Variants in RYR2 observed in about 807,000 individuals in gnomAD.
RYR2 encodes the protein cardiac muscle ryanodine receptor-calcium release channel.
Under a neutral mutation model 601.1 loss-of-function variants are expected in RYR2, and 227 were observed. The ratio of observed to expected loss-of-function variants is 0.38; its 90% CI spans 0.34 to 0.42. RYR2 has a LOEUF of 0.42. Ranked by LOEUF, RYR2 falls within the 10% of genes least tolerant of loss-of-function variation. RYR2 has a pLI of 1.00. For missense variants in RYR2, 4,646 were observed against 6,156.5 expected, an observed-to-expected ratio of 0.75 and a Z score of 8.21; for synonymous variants, 2,223 against 2,175.1, an observed-to-expected ratio of 1.02 and a Z score of -0.61.
chr1:237,243,780 A>G (rs1350117924), intron 1 of RYR2, among the ~76,000 whole-genome samples: 1 of 152,220 alleles, frequency 6.6e-6, no homozygotes, highest in East Asian at 1.9e-4. Flanking sequence ...CACACCCAAC[A>G]TTATAACAAA....
chr1:237,127,410 G>T (rs1671574231), intron 1 of RYR2, among the ~76,000 whole-genome samples: 1 of 150,722 alleles, frequency 6.6e-6, no homozygotes, highest in South Asian at 2.1e-4. Flanking sequence ...GGCCGGGCGG[G>T]GGGCTGACCC....
intron 80 of RYR2, among the ~76,000 whole-genome samples, chr1:237,747,969 T>TC (rs1692220936): frequency 6.6e-6 from 1 of 152,098 alleles, no homozygotes. Context: ...GCCAGTGTTC[T>TC]CCAGTACTCA....
At chr1:237,366,343 G>A (rs1489334004) in intron 5 of RYR2, among the ~76,000 whole-genome samples, 1 of 152,180 alleles carries the variant, frequency 6.6e-6, no homozygotes, top group African/African-American at 2.4e-5. Context: ...ATCTTCAACT[G>A]AGGCCAGGAT....
At chr1:237,163,076 A>G (rs1157729403) in intron 1 of RYR2, among the ~76,000 whole-genome samples, 2 of 152,194 alleles carry the variant, frequency 1.3e-5, no homozygotes, top group East Asian at 1.9e-4. Context: ...AATAGCACAC[A>G]CTGGCCTTAG....
chr1:237,091,711 C>T (rs893595335), intron 1 of RYR2, among the ~76,000 whole-genome samples: 3 of 152,232 alleles, frequency 2.0e-5, no homozygotes, highest in African/African-American at 7.2e-5. Flanking sequence ...AGGCGTGAGC[C>T]ACTGCACCTG....
intron 66 of RYR2, 140 bp downstream of exon 66, chr1:237,702,199 T>C: frequency 5.1e-6 from 3 of 583,510 alleles, no homozygotes; most frequent in Non-Finnish European, 9.1e-6. Flanking sequence ...TTGGAAGTAA[T>C]TAGACAATCT....
In RYR2 at chr1:237,664,025, A is replaced by C. The variant is rs75510160; in HGVS notation, c.8437-2487A>C. 5.9e-5 allele frequency among the ~76,000 whole-genome samples: 9 copies of C among 152,320 alleles called. No individual in the cohort carries two copies. The East Asian group carries it at 1.7e-3, about 29-fold the overall frequency. ...AGGGATACTAAAGAAAACAGCAAAA[A>C]ACATTTCTGACAATTTCAGGCATAT... On this transcript the variant is annotated intron_variant, in intron 56 of 104. Transcript: ENST00000366574.
chr1:237,334,135 GGT>G (rs1697020251), intron 3 of RYR2, among the ~76,000 whole-genome samples: 1 of 151,956 alleles, frequency 6.6e-6, no homozygotes. Flanking sequence ...TGTTTTTTGT[GGT>G]TAAGGACCAT....
intron 1 of RYR2, among the ~76,000 whole-genome samples, chr1:237,113,526 C>T (rs1669730618): frequency 1.3e-5 from 2 of 152,112 alleles, no homozygotes; most frequent in South Asian, 4.1e-4. Flanking sequence ...GACTCTGTCC[C>T]ATTGTCCTTT....
intron 21 of RYR2, among the ~76,000 whole-genome samples, chr1:237,501,839 C>T (rs941947376): frequency 6.6e-6 from 1 of 152,146 alleles, no homozygotes; most frequent in African/African-American, 2.4e-5. Flanking sequence ...ACCTGATACA[C>T]AAATTAGAAA....
At chr1:237,346,125 G>A (rs1698284739) in intron 3 of RYR2, among the ~76,000 whole-genome samples, 1 of 152,010 alleles carries the variant, frequency 6.6e-6, no homozygotes, top group African/African-American at 2.4e-5. Flanking sequence ...CAGTACTTTG[G>A]GAGGCTGAGG....
chr1:237,823,565 A>T (rs4659817), intron 101 of RYR2, among the ~76,000 whole-genome samples: 8 of 152,028 alleles, frequency 5.3e-5, no homozygotes, highest in Non-Finnish European at 1.2e-4. Context: ...TAAATGCCCA[A>T]AAGAGAAAGC....
At chr1:237,550,732 A>T (rs2148113905) in intron 27 of RYR2, 41 bp downstream of exon 27, 2 of 1,523,290 alleles carry the variant, frequency 1.3e-6, no homozygotes, top group Non-Finnish European at 1.8e-6. Context: ...TTGCAAGATG[A>T]TGTAGTAGTT....
chr1:237,720,827 A>G (rs1044604345), intron 73 of RYR2, among the ~76,000 whole-genome samples: 2 of 152,208 alleles, frequency 1.3e-5, no homozygotes, highest in African/African-American at 2.4e-5. Flanking sequence ...GATTATAAGC[A>G]GAAAGAAGTT....
intron 17 of RYR2, among the ~76,000 whole-genome samples, chr1:237,478,556 A>C (rs2150351806): frequency 6.6e-6 from 1 of 152,368 alleles, no homozygotes; most frequent in South Asian, 2.1e-4. Context: ...CTAAGATATG[A>C]TATGGAGAAT....
At chr1:237,617,705 C>T (rs977890994) in intron 38 of RYR2, among the ~76,000 whole-genome samples, 1 of 152,188 alleles carries the variant, frequency 6.6e-6, no homozygotes, top group African/African-American at 2.4e-5. Context: ...ATATCACCGA[C>T]TCTTTGAGAA....
At chr1:237,643,306 G>GTT (rs145140335) in intron 47 of RYR2, 21 bp from the exon 48 acceptor site, 5 of 1,580,790 alleles carry the variant, frequency 3.2e-6, no homozygotes, top group African/African-American at 2.7e-5. Flanking sequence ...TTGTTCTAAT[G>GTT]TTTTTTTTTC....
In RYR2 at chr1:237,511,847, A is replaced by C. The variant is rs1054228708; in HGVS notation, c.2822+56A>C. 9.9e-6 allele frequency: 10 copies of C among 1,013,954 alleles called. No individual in the cohort carries two copies. In the African/African-American group the frequency reaches 1.7e-4, roughly 17 times the overall value. 62.8% of individuals were successfully genotyped at this position (1,013,954 alleles called of 1,614,324 possible). On this transcript the variant is annotated intron_variant, in intron 24 of 104. Transcript: ENST00000366574. ...CCTGCCTTCCCTGAAAAAAAAAAAA[A>C]AAAAAAAAAAAACAGGTATTGATGC...
intron 80 of RYR2, among the ~76,000 whole-genome samples, chr1:237,752,055 CATTT>C (rs1283483054): frequency 1.3e-5 from 2 of 152,250 alleles, no homozygotes; most frequent in East Asian, 3.9e-4. Flanking sequence ...TTAGTTCTGT[CATTT>C]ATTCATGCAA....
Sources: gnomAD v4.1 joint callset for allele counts (sites outside exome capture counted in the v4.1 genomes callset) on GRCh38, gnomAD v4.1.1 for gene constraint, MANE v1.5 for transcripts, NCBI Gene and HGNC (gene_info 2026-07-23, HGNC 2026-07-21) for gene names.